The following AFG2A variants were observed in gnomAD, a reference collection of about 807,000 sequenced individuals.
The protein encoded by AFG2A is ATPase family gene 2 protein homolog A.
At chr4:123,018,576 T>A in the AFG2A span, among the ~76,000 whole-genome samples, 1 of 152,192 alleles carries the variant, frequency 6.6e-6, no homozygotes, top group Non-Finnish European at 1.5e-5. Context: ...GTGTTTATCC[T>A]TCTCTACAGA....
At chr4:122,938,908 T>C in the AFG2A span, among the ~76,000 whole-genome samples, 1 of 151,966 alleles carries the variant, frequency 6.6e-6, no homozygotes, top group Non-Finnish European at 1.5e-5. Context: ...GGGGTTTTTA[T>C]TAAGAAATGT....
the AFG2A span, among the ~76,000 whole-genome samples, chr4:122,962,026 CTG>C: frequency 6.6e-6 from 1 of 152,208 alleles, no homozygotes; most frequent in Non-Finnish European, 1.5e-5. Flanking sequence ...CCGGATGAAA[CTG>C]TTCCACCTCA....
chr4:122,957,793 AT>A, the AFG2A span, among the ~76,000 whole-genome samples: 2 of 152,306 alleles, frequency 1.3e-5, no homozygotes, highest in South Asian at 4.1e-4. Flanking sequence ...AGTCACAATC[AT>A]TACACTGATC....
chr4:123,184,440 T>G, the AFG2A span, among the ~76,000 whole-genome samples: 1 of 152,096 alleles, frequency 6.6e-6, no homozygotes, highest in Non-Finnish European at 1.5e-5. Flanking sequence ...AAGAAAAATC[T>G]TTTGCCCAAT....
At chr4:123,173,354 T>G in the AFG2A span, among the ~76,000 whole-genome samples, 860 of 118,726 alleles carry the variant, frequency 7.2e-3, 19 homozygotes, top group African/African-American at 0.025. Flanking sequence ...TTTTTTTTTT[T>G]TTTTTTTTTT....
chr4:123,085,275 G>T, the AFG2A span, among the ~76,000 whole-genome samples: 1 of 151,964 alleles, frequency 6.6e-6, no homozygotes. Flanking sequence ...TTTGCCTGTT[G>T]GATCTATTTC....
chr4:123,027,100 G>T, the AFG2A span, among the ~76,000 whole-genome samples: 1 of 151,982 alleles, frequency 6.6e-6, no homozygotes, highest in South Asian at 2.1e-4. Context: ...ATCTGCATGT[G>T]TTTACTCTAG....
the AFG2A span, among the ~76,000 whole-genome samples, chr4:123,074,967 G>A: frequency 4.5e-3 from 692 of 152,136 alleles, 4 homozygotes; most frequent in Non-Finnish European, 7.9e-3. Flanking sequence ...CGGTGGGAAC[G>A]GAGTCTTGCT....
chr4:122,944,414 C>T, the AFG2A span, among the ~76,000 whole-genome samples: 1 of 152,182 alleles, frequency 6.6e-6, no homozygotes, highest in Admixed American at 6.5e-5. Flanking sequence ...ACCCTTTCTT[C>T]CAGTTGATCG....
At chr4:122,968,025 A>G in the AFG2A span, among the ~76,000 whole-genome samples, 800 of 152,234 alleles carry the variant, frequency 5.3e-3, 7 homozygotes, top group African/African-American at 0.018. Flanking sequence ...AGGTTTACAG[A>G]AGAATAAAGC....
the AFG2A span, among the ~76,000 whole-genome samples, chr4:123,312,334 AATG>A: frequency 6.6e-6 from 1 of 152,148 alleles, no homozygotes; most frequent in African/African-American, 2.4e-5. Flanking sequence ...CCTGGCAGGA[AATG>A]TAGTGCTCTT....
the AFG2A span, among the ~76,000 whole-genome samples, chr4:123,295,809 G>T: frequency 6.6e-6 from 1 of 152,248 alleles, no homozygotes; most frequent in Non-Finnish European, 1.5e-5. Flanking sequence ...CTATTTGGGA[G>T]GCTGAAGTGG....
At chr4:123,240,815 A>C in the AFG2A span, among the ~76,000 whole-genome samples, 1 of 152,198 alleles carries the variant, frequency 6.6e-6, no homozygotes, top group Non-Finnish European at 1.5e-5. Flanking sequence ...ACACACAAAA[A>C]ACCCTTCAAA....
the AFG2A span, chr4:122,928,957 CTG>C: frequency 6.7e-7 from 1 of 1,496,574 alleles, no homozygotes. Context: ...AAGTGCTTGA[CTG>C]TGCTTAGCAT....
At chr4:122,998,415 C>T in the AFG2A span, among the ~76,000 whole-genome samples, 1 of 151,868 alleles carries the variant, frequency 6.6e-6, no homozygotes, top group Non-Finnish European at 1.5e-5. Context: ...CACCCATTAA[C>T]TCGTCATTTA....
At chr4:122,929,325 G>A in the AFG2A span, 1 of 1,050,820 alleles carries the variant, frequency 9.5e-7, no homozygotes, top group South Asian at 2.4e-5. Context: ...AGAGAAACAG[G>A]TACAATGAAT....
chr4:123,027,233 A>G, the AFG2A span, among the ~76,000 whole-genome samples: 6 of 152,172 alleles, frequency 3.9e-5, no homozygotes, highest in African/African-American at 1.2e-4. Flanking sequence ...AAAAACTTCA[A>G]AGACTTCCAA....
At chr4:123,140,175 G>T in the AFG2A span, among the ~76,000 whole-genome samples, 1 of 152,160 alleles carries the variant, frequency 6.6e-6, no homozygotes, top group East Asian at 1.9e-4. Flanking sequence ...CTAACCTTTA[G>T]TTGAGTAAAT....
At chr4:123,047,464 A>G in the AFG2A span, among the ~76,000 whole-genome samples, 1 of 151,824 alleles carries the variant, frequency 6.6e-6, no homozygotes, top group Admixed American at 6.5e-5. Flanking sequence ...TCTGGTTATT[A>G]TTTCTTTGCT....
Sources: gnomAD v4.1 joint callset for allele counts (sites outside exome capture counted in the v4.1 genomes callset) on GRCh38, gnomAD v4.1.1 for gene constraint, MANE v1.5 for transcripts, NCBI Gene and HGNC (gene_info 2026-07-23, HGNC 2026-07-21) for gene names.